The following MECOM variants were observed in gnomAD, a reference collection of about 807,000 sequenced individuals.
MECOM encodes the protein histone-lysine N-methyltransferase MECOM.
MECOM carries 13 observed loss-of-function variants against 116.3 expected under a neutral mutation model. The ratio of observed to expected loss-of-function variants is 0.11; its 90% CI spans 0.07 to 0.18. MECOM has a LOEUF of 0.18. Ranked by LOEUF, MECOM falls within the 10% of genes least tolerant of loss-of-function variation. The pLI is 1.00. For missense variants in MECOM, 1,299 were observed against 1,509.0 expected (o/e 0.86, Z 2.31); for synonymous variants, 528 against 535.2 (o/e 0.99, Z 0.19).
At chr3:169,481,918 A>G (rs1751349433) in intron 1 of MECOM, among the ~76,000 whole-genome samples, 3 of 152,330 alleles carry the variant, frequency 2.0e-5, no homozygotes, top group African/African-American at 2.4e-5. Context: ...GGGCACTGAT[A>G]GTTTTCATTT....
chr3:169,188,677 C>T (rs1176954724), intron 2 of MECOM, among the ~76,000 whole-genome samples: 1 of 152,048 alleles, frequency 6.6e-6, no homozygotes, highest in East Asian at 1.9e-4. Context: ...CCATTGTGCT[C>T]ATTGTGAACT....
chr3:169,105,299 G>A (rs1214696234), intron 10 of MECOM, among the ~76,000 whole-genome samples: 6 of 152,028 alleles, frequency 3.9e-5, no homozygotes, highest in Non-Finnish European at 2.9e-5. Flanking sequence ...ATCAACATCA[G>A]CCCTAGTCAA....
intron 14 of MECOM, among the ~76,000 whole-genome samples, chr3:169,092,299 C>G (rs1386747396): frequency 6.6e-6 from 1 of 151,738 alleles, no homozygotes; most frequent in African/African-American, 2.4e-5. Context: ...CTTAAGAGGA[C>G]ATAAAGTAGC....
intron 2 of MECOM, among the ~76,000 whole-genome samples, chr3:169,204,912 C>T (rs919293921): frequency 1.1e-4 from 17 of 152,048 alleles, no homozygotes; most frequent in Admixed American, 6.6e-4. Flanking sequence ...TAAAGCTGAC[C>T]GCATCCTCTG....
intron 1 of MECOM, among the ~76,000 whole-genome samples, chr3:169,445,499 G>A (rs765371257): frequency 3.3e-5 from 5 of 152,224 alleles, no homozygotes; most frequent in Admixed American, 6.5e-5. Flanking sequence ...TTTAGAAGAC[G>A]TATGGAAATG....
At chr3:169,369,648 C>A (rs907962467) in intron 2 of MECOM, among the ~76,000 whole-genome samples, 2 of 151,920 alleles carry the variant, frequency 1.3e-5, no homozygotes. Flanking sequence ...CCTCACCCAG[C>A]CTTCTTTTTT....
intron 2 of MECOM, among the ~76,000 whole-genome samples, chr3:169,194,789 C>T (rs1748196928): frequency 1.3e-5 from 2 of 152,014 alleles, no homozygotes; most frequent in Admixed American, 1.3e-4. Context: ...ATAGAGCATC[C>T]GCCAAAGTAG....
chr3:169,107,852 A>G (rs1725940894), intron 10 of MECOM, 74 bp downstream of exon 10: 1 of 1,260,944 alleles, frequency 7.9e-7, no homozygotes, highest in Non-Finnish European at 1.1e-6. Flanking sequence ...ATGTCTGTAC[A>G]GCAATTTAGA....
chr3:169,304,208 G>C (rs1255549961), intron 2 of MECOM, among the ~76,000 whole-genome samples: 1 of 152,164 alleles, frequency 6.6e-6, no homozygotes, highest in Admixed American at 6.5e-5. Flanking sequence ...TGACAGCCTT[G>C]ATATTTTAAA....
intron 2 of MECOM, chr3:169,147,725 T>TGC: frequency 1.0e-6 from 1 of 979,694 alleles, no homozygotes; most frequent in Non-Finnish European, 1.2e-6. Context: ...GGTGTGTGTG[T>TGC]GTGTGTGTGC....
At chr3:169,484,271 GAAAC>G (rs1366095269) in intron 1 of MECOM, among the ~76,000 whole-genome samples, 5 of 146,200 alleles carry the variant, frequency 3.4e-5, no homozygotes, top group Non-Finnish European at 6.0e-5. Flanking sequence ...ATTTTAAAAA[GAAAC>G]AAAAGAGAAA....
chr3:169,445,037 T>C (rs541798842), intron 1 of MECOM, among the ~76,000 whole-genome samples: 4 of 152,258 alleles, frequency 2.6e-5, no homozygotes, highest in African/African-American at 9.6e-5. Flanking sequence ...AGAGGTGACT[T>C]GGGTACTGTT....
chr3:169,338,156 G>A (rs1723887153), intron 2 of MECOM, among the ~76,000 whole-genome samples: 2 of 152,144 alleles, frequency 1.3e-5, no homozygotes, highest in South Asian at 4.1e-4. Flanking sequence ...AGGATCGGAG[G>A]CTCTTAAACA....
intron 1 of MECOM, chr3:169,389,470 G>T: frequency 1.4e-6 from 1 of 694,978 alleles, no homozygotes; most frequent in Non-Finnish European, 1.8e-6. Flanking sequence ...TCACATATCA[G>T]ATAGATAGTT....
At chr3:169,540,179 C>A (rs1162302458) in intron 1 of MECOM, among the ~76,000 whole-genome samples, 1 of 152,180 alleles carries the variant, frequency 6.6e-6, no homozygotes, top group Non-Finnish European at 1.5e-5. Context: ...AGGGTGCATT[C>A]CCAACCAGAT....
intron 2 of MECOM, among the ~76,000 whole-genome samples, chr3:169,370,966 A>C (rs1383955538): frequency 6.6e-6 from 1 of 151,960 alleles, no homozygotes; most frequent in Non-Finnish European, 1.5e-5. Flanking sequence ...AGTCCTCAAA[A>C]AATTGAAAAT....
chr3:169,473,738 C>T (rs1416663576), intron 1 of MECOM, among the ~76,000 whole-genome samples: 1 of 152,022 alleles, frequency 6.6e-6, no homozygotes, highest in Non-Finnish European at 1.5e-5. Flanking sequence ...CACTGCACTC[C>T]AGCCTGGTGA....
intron 1 of MECOM, among the ~76,000 whole-genome samples, chr3:169,381,944 T>C (rs2108280837): frequency 6.6e-6 from 1 of 152,342 alleles, no homozygotes; most frequent in South Asian, 2.1e-4. Context: ...AATGTTATCT[T>C]GGAATAAACA....
At chr3:169,588,574 A>C (rs1234820413) in intron 1 of MECOM, among the ~76,000 whole-genome samples, 1 of 152,216 alleles carries the variant, frequency 6.6e-6, no homozygotes. Context: ...ATATGGGAAG[A>C]CTGTGTATAA....
Sources: allele counts gnomAD v4.1 joint callset (sites outside exome capture counted in the v4.1 genomes callset), GRCh38; gene constraint gnomAD v4.1.1; transcripts MANE v1.5; gene names NCBI Gene and HGNC (gene_info 2026-07-23, HGNC 2026-07-21).